The following COA1 variants were observed in gnomAD, a reference collection of about 807,000 sequenced individuals.
COA1 encodes cytochrome c oxidase assembly factor 1 homolog.
COA1 carries 13 observed loss-of-function variants against 16.0 expected under a neutral mutation model. The observed-to-expected ratio is 0.81, with a 90% CI of 0.53 to 1.29. COA1 has a LOEUF of 1.29. Ranked by LOEUF, COA1 falls within the 50% of genes most tolerant of loss-of-function variation. The pLI is 0.00. For missense variants in COA1, 179 were observed against 177.0 expected (o/e 1.01, Z -0.06); for synonymous variants, 65 against 65.7 (o/e 0.99, Z 0.05).
intron 1 of COA1, among the ~76,000 whole-genome samples, chr7:43,652,181 C>A (rs1439905501): frequency 6.6e-6 from 1 of 152,218 alleles, no homozygotes; most frequent in East Asian, 1.9e-4. Context: ...GTACCTGAAG[C>A]AGGAGCAGGG....
chr7:43,642,814 C>G (rs910471565), intron 4 of COA1, among the ~76,000 whole-genome samples: 2 of 152,140 alleles, frequency 1.3e-5, no homozygotes, highest in African/African-American at 4.8e-5. Flanking sequence ...GGAAAAAATC[C>G]CAATGTATGA....
intron 1 of COA1, among the ~76,000 whole-genome samples, chr7:43,718,257 T>C (rs1293922700): frequency 6.6e-6 from 1 of 152,236 alleles, no homozygotes; most frequent in Non-Finnish European, 1.5e-5. Context: ...AACACATTTA[T>C]TTATAAGATG....
rs1554501314 is a variant in COA1, at chr7:43,644,752, A to AGATT, written c.264+498_264+499insAATC. Among the ~76,000 whole-genome samples, 33 of 89,782 alleles carry AGATT rather than the reference A, an allele frequency of 3.7e-4. 1 individual carries two copies. The highest frequency in any genetic ancestry group is 1.3e-3 in the African/African-American group (33 of 25,618). 58.9% of individuals were successfully genotyped at this position (89,782 alleles called of 152,430 possible). The stretch of plus-strand genomic sequence containing the variant: ...TAGATAGATAGATAGATAGATAGAT[A>AGATT]GATAGATAGGCAGGCAGGCAGGCAG... On this transcript the variant is annotated intron_variant, in intron 4 of 5. Coordinates refer to ENST00000223336, the MANE Select transcript of COA1 (RefSeq NM_018224.4).
At chr7:43,616,214 C>G (rs1357843437) in intron 6 of COA1, among the ~76,000 whole-genome samples, 1 of 152,212 alleles carries the variant, frequency 6.6e-6, no homozygotes, top group Non-Finnish European at 1.5e-5. Flanking sequence ...TATTTATCGC[C>G]TGAGCACTTT....
intron 4 of COA1, chr7:43,641,915 G>C (rs1465080650): frequency 6.6e-6 from 1 of 152,252 alleles, no homozygotes; most frequent in African/African-American, 2.4e-5. Context: ...AGCCCATCAT[G>C]AGACAGGCAT....
intron 4 of COA1, chr7:43,641,021 T>G (rs1467622691): frequency 1.2e-5 from 2 of 170,466 alleles, no homozygotes; most frequent in Non-Finnish European, 2.5e-5. Flanking sequence ...AGGAGGAGTA[T>G]ACAAGTATTT....
At chr7:43,613,613 TAGA>T (rs2083075091) in intron 6 of COA1, among the ~76,000 whole-genome samples, 1 of 151,902 alleles carries the variant, frequency 6.6e-6, no homozygotes, top group South Asian at 2.1e-4. Flanking sequence ...GAGGCTGAGG[TAGA>T]AGGACCACAT....
intron 1 of COA1, among the ~76,000 whole-genome samples, chr7:43,680,732 G>A (rs1215266012): frequency 6.6e-6 from 1 of 152,210 alleles, no homozygotes; most frequent in Non-Finnish European, 1.5e-5. Flanking sequence ...ACTGTGAGGG[G>A]CAGAGGCAGG....
In COA1 at chr7:43,697,417, G is replaced by A. The variant is rs138308446; in HGVS notation, c.-39+32012C>T. Among the ~76,000 whole-genome samples the A allele has an allele frequency of 1.2e-3, 184 of 151,912 alleles. 2 individuals are homozygous for A. In the East Asian group the frequency reaches 0.029, roughly 24 times the overall value. On this transcript the variant is annotated intron_variant, in intron 1 of 5. Transcript: ENST00000223336. ...AGTGATTCTCCTGTCTCAGCCTCCC[G>A]AGTAGCTGGGACTACAGGGGCATGT...
intron 1 of COA1, among the ~76,000 whole-genome samples, chr7:43,713,215 G>T (rs1052231281): frequency 1.3e-5 from 2 of 152,132 alleles, no homozygotes; most frequent in Non-Finnish European, 2.9e-5. Flanking sequence ...GCCTCCCAAA[G>T]TGCTGGGGAT....
chr7:43,713,099 GCA>G (rs1374513879), intron 1 of COA1, among the ~76,000 whole-genome samples: 3 of 152,064 alleles, frequency 2.0e-5, no homozygotes, highest in Non-Finnish European at 4.4e-5. Flanking sequence ...ATGACAGGAT[GCA>G]CCACCATGCC....
intron 1 of COA1, among the ~76,000 whole-genome samples, chr7:43,691,445 G>T (rs1419309965): frequency 1.9e-4 from 27 of 144,322 alleles, no homozygotes; most frequent in African/African-American, 2.8e-4. Context: ...AAGAAAGAAA[G>T]AAAGAAAGAA....
At chr7:43,674,903 C>T (rs1032655664) in intron 1 of COA1, among the ~76,000 whole-genome samples, 1 of 152,196 alleles carries the variant, frequency 6.6e-6, no homozygotes, top group Non-Finnish European at 1.5e-5. Flanking sequence ...AGTTGATAGA[C>T]GTGCTTGGCT....
At chr7:43,681,960 C>A (rs554551002) in intron 1 of COA1, among the ~76,000 whole-genome samples, 4 of 152,228 alleles carry the variant, frequency 2.6e-5, no homozygotes, top group Non-Finnish European at 5.9e-5. Flanking sequence ...TTCCATATTG[C>A]ACATTGGAAA....
chr7:43,689,434 C>T (rs2094177536), intron 1 of COA1, among the ~76,000 whole-genome samples: 1 of 151,954 alleles, frequency 6.6e-6, no homozygotes, highest in Admixed American at 6.5e-5. Flanking sequence ...GAAATCAGTC[C>T]CTGTGTCAAA....
At position 43,660,918 on chromosome 7, in the gene COA1, T is replaced by C. The variant is rs1041532607; in HGVS notation, c.-38-12266A>G. Reference sequence around the variant, plus strand: ...AGAATAAAATCTAAGCTTCTTTGCATTACACGGTCTTACTGCCCAGTTTCC... The same window carrying C: ...AGAATAAAATCTAAGCTTCTTTGCACTACACGGTCTTACTGCCCAGTTTCC... On this transcript the variant is annotated intron_variant, in intron 1 of 5. Coordinates refer to ENST00000223336, the MANE Select transcript of COA1 (RefSeq NM_018224.4). 2.2e-4 allele frequency among the ~76,000 whole-genome samples: 34 copies of C among 152,178 alleles called. 1 individual carries two copies. Among genetic ancestry groups the C allele is most frequent in the Admixed American group, 2.1e-3 (32 of 15,280 alleles).
At chr7:43,664,317 C>A (rs990550755) in intron 1 of COA1, among the ~76,000 whole-genome samples, 1 of 152,062 alleles carries the variant, frequency 6.6e-6, no homozygotes, top group Non-Finnish European at 1.5e-5. Flanking sequence ...TATTTCACTT[C>A]GCATAGTATC....
Position 43,691,327 on chromosome 7 carries a change from A to AAGAG in COA1, c.-39+38098_-39+38101dup, listed in dbSNP as rs1248064953. On this transcript the variant is annotated intron_variant, in intron 1 of 5. Coordinates refer to ENST00000223336, the MANE Select transcript of COA1 (RefSeq NM_018224.4). The stretch of plus-strand genomic sequence containing the variant: ...AAAGAAAGAAAGAAAGAAAGAAAGA[A>AAGAG]AGAGAAAGAGAGAGAGGGAGGGAGG... Among the ~76,000 whole-genome samples, 423 of 90,444 alleles carry AAGAG rather than the reference A, an allele frequency of 4.7e-3. 7 individuals are homozygous for AAGAG. The highest frequency in any genetic ancestry group is 7.4e-3 in the Non-Finnish European group (320 of 43,080). The allele number at this position is 90,444 out of a possible 152,430, so 59.3% of individuals were successfully genotyped here.
intron 1 of COA1, among the ~76,000 whole-genome samples, chr7:43,678,258 T>C (rs1387690221): frequency 6.6e-6 from 1 of 152,290 alleles, no homozygotes; most frequent in Middle Eastern, 3.4e-3. Context: ...CAAATAACAC[T>C]GGGAAAATAA....
Sources: allele counts gnomAD v4.1 joint callset (sites outside exome capture counted in the v4.1 genomes callset), GRCh38; gene constraint gnomAD v4.1.1; transcripts MANE v1.5; gene names NCBI Gene and HGNC (gene_info 2026-07-23, HGNC 2026-07-21).